FAT1: variants seen among roughly 807,000 people sequenced by gnomAD.
FAT1 encodes the protein protocadherin Fat 1.
FAT1 carries 171 observed loss-of-function variants against 329.8 expected under a neutral mutation model. The observed-to-expected ratio is 0.52, with a 90% CI of 0.46 to 0.59. The LOEUF (loss-of-function observed/expected upper bound fraction) is 0.59. FAT1 is among the 20% of genes least tolerant of loss of function. The pLI is 0.00. For synonymous variants in FAT1, 2,233 were observed against 2,228.6 expected (o/e 1.00, Z -0.06); for missense variants, 5,672 against 5,774.4 (o/e 0.98, Z 0.57).
At chr4:186,629,027 T>C (rs1740458427) in intron 7 of FAT1, among the ~76,000 whole-genome samples, 1 of 152,246 alleles carries the variant, frequency 6.6e-6, no homozygotes, top group Non-Finnish European at 1.5e-5. Flanking sequence ...ATTTTCACAC[T>C]TGCCACGTCT....
At chr4:186,629,028 TGCCAC>T (rs1298571338) in intron 7 of FAT1, among the ~76,000 whole-genome samples, 1 of 152,234 alleles carries the variant, frequency 6.6e-6, no homozygotes, top group African/African-American at 2.4e-5. Context: ...TTTTCACACT[TGCCAC>T]GTCTTTACGT....
intron 2 of FAT1, among the ~76,000 whole-genome samples, chr4:186,665,147 G>A (rs1029225733): frequency 6.6e-6 from 1 of 152,120 alleles, no homozygotes; most frequent in Admixed American, 6.5e-5. Context: ...ACAATGATTT[G>A]TTATTGCTTC....
In FAT1 at chr4:186,633,710, C is replaced by G. The variant is rs1560953466; in HGVS notation, c.4297G>C (p.Asp1433His). 12 of 1,613,970 alleles carry G rather than the reference C, an allele frequency of 7.4e-6. No individual in the cohort carries two copies. Among genetic ancestry groups the G allele is most frequent in the Non-Finnish European group, 9.3e-6 (11 of 1,179,878 alleles). ...SNYNLTVEAT[D>H]GTTTILTQVF... Reference sequence around the variant, plus strand: ...TGAGTGAGGATAGTGGTGGTTCCATCTGTAGCCTCGACTGTGAGGTTGTAG... The same window carrying G: ...TGAGTGAGGATAGTGGTGGTTCCATGTGTAGCCTCGACTGTGAGGTTGTAG... The change falls in exon 7 of 27, where the codon GAT becomes CAT. Residue 1433 changes from aspartate to histidine, a missense_variant. Coordinates refer to ENST00000441802, the MANE Select transcript of FAT1 (RefSeq NM_005245.4).
At chr4:186,650,202 T>TCCTTA (rs1741571092) in intron 3 of FAT1, among the ~76,000 whole-genome samples, 2 of 152,194 alleles carry the variant, frequency 1.3e-5, no homozygotes, top group Admixed American at 1.3e-4. Context: ...GAATGGGACT[T>TCCTTA]CCTTAACATC....
At position 186,603,726 on chromosome 4, in the gene FAT1, T is replaced by C. The variant is rs756628343; in HGVS notation, c.10800A>G (p.Ile3600Met). The C allele has an allele frequency of 1.2e-6, 2 of 1,614,020 alleles. No individual in the cohort carries two copies. Among genetic ancestry groups the C allele is most frequent in the Non-Finnish European group, 1.7e-6 (2 of 1,179,902 alleles). The change falls in exon 19 of 27, where the codon ATA (isoleucine) becomes ATG (methionine). Residue 3600 changes from isoleucine to methionine, a missense_variant. Physicochemically the swap from Ile to Met is conservative, Grantham distance 10 (BLOSUM62 1). Around this residue, in one of 2 missense-constraint regions of FAT1, gnomAD observed 1,706 missense variants for 1,859.1 expected, o/e 0.92. Coordinates refer to ENST00000441802, the MANE Select transcript of FAT1 (RefSeq NM_005245.4). ...GCCCTATGTCTAGCTTTTTGTGTGC[T>C]ATCAGCTTGCCCCCTGTGCTGGAAA... is the stretch of plus-strand genomic sequence containing the variant. ...FSVSSTGGKL[I>M]AHKKLDIGQY... is the part of the protein sequence containing the mutation.
chr4:186,616,822 T>C (rs1390948156), intron 11 of FAT1, among the ~76,000 whole-genome samples, 183 bp downstream of exon 11: 1 of 152,182 alleles, frequency 6.6e-6, no homozygotes, highest in Non-Finnish European at 1.5e-5. Flanking sequence ...TTTTGATTTA[T>C]TGAGCATTCC....
At chr4:186,725,283 CA>C (rs1745680222), upstream of FAT1, among the ~76,000 whole-genome samples, 1 of 152,114 alleles carries the variant, frequency 6.6e-6, no homozygotes, top group Non-Finnish European at 1.5e-5. The surrounding 1 kb of genome is among the most constrained non-coding windows in gnomAD (Gnocchi z 5.4). Context: ...CAGCAAAACC[CA>C]AACACACCGG....
intron 2 of FAT1, among the ~76,000 whole-genome samples, chr4:186,676,109 C>T (rs1246286673): frequency 6.6e-6 from 1 of 152,114 alleles, no homozygotes; most frequent in Non-Finnish European, 1.5e-5. Flanking sequence ...AGAAGGGAAA[C>T]AGCATTTTAA....
intron 3 of FAT1, among the ~76,000 whole-genome samples, chr4:186,641,957 A>G (rs1314313754): frequency 6.6e-6 from 1 of 151,862 alleles, no homozygotes; most frequent in Non-Finnish European, 1.5e-5. Flanking sequence ...CAGTGAGCCG[A>G]GATTGCGCCA....
intron 2 of FAT1, among the ~76,000 whole-genome samples, chr4:186,668,662 T>C (rs370289395): frequency 5.0e-4 from 76 of 152,216 alleles, no homozygotes; most frequent in African/African-American, 4.3e-4. Context: ...TTCTTGTTCC[T>C]ACACTTCATC....
intron 2 of FAT1, among the ~76,000 whole-genome samples, chr4:186,673,877 T>A (rs758461405): frequency 6.6e-6 from 1 of 152,222 alleles, no homozygotes; most frequent in Non-Finnish European, 1.5e-5. Context: ...ATCACTGATA[T>A]TGTCAATGAC....
intron 2 of FAT1, among the ~76,000 whole-genome samples, chr4:186,681,317 AT>A (rs1443194573): frequency 6.6e-6 from 1 of 152,218 alleles, no homozygotes; most frequent in African/African-American, 2.4e-5. Flanking sequence ...TACTATAAAA[AT>A]AAAGGTATTT....
At chr4:186,706,493 A>G (rs1744602688) in intron 2 of FAT1, 70 bp downstream of exon 2, 5 of 1,465,874 alleles carry the variant, frequency 3.4e-6, no homozygotes, top group Non-Finnish European at 4.6e-6. Flanking sequence ...AAGCTGCCAC[A>G]GGGCAGATGG....
intron 3 of FAT1, among the ~76,000 whole-genome samples, chr4:186,644,638 G>C (rs1172203350): frequency 2.0e-5 from 3 of 151,786 alleles, no homozygotes; most frequent in Non-Finnish European, 4.4e-5. Context: ...ATTTAGAGAT[G>C]AGTTCATTTA....
chr4:186,604,080 G>T, intron 18 of FAT1, 103 bp from the exon 19 acceptor site: 1 of 854,452 alleles, frequency 1.2e-6, no homozygotes, highest in Non-Finnish European at 1.8e-6. Flanking sequence ...ATTACTAACT[G>T]GTAGATACTC....
At chr4:186,612,721 A>T (rs533443277) in intron 13 of FAT1, among the ~76,000 whole-genome samples, 3 of 152,176 alleles carry the variant, frequency 2.0e-5, no homozygotes, top group South Asian at 2.1e-4. Flanking sequence ...AATTTTCTCT[A>T]AAAAAATTTT....
intron 1 of FAT1, among the ~76,000 whole-genome samples, chr4:186,722,612 G>C (rs562893346): frequency 6.6e-6 from 1 of 152,190 alleles, no homozygotes; most frequent in East Asian, 1.9e-4. Context: ...ACAACTGGAT[G>C]TGTTGGACAG....
chr4:186,662,983 C>T (rs995998517), intron 3 of FAT1, among the ~76,000 whole-genome samples: 2 of 151,994 alleles, frequency 1.3e-5, no homozygotes, highest in Non-Finnish European at 2.9e-5. Context: ...ACTACAGGCG[C>T]CCGCCACCAC....
chr4:186,616,892 TA>T, intron 11 of FAT1, 112 bp downstream of exon 11: 1 of 909,430 alleles, frequency 1.1e-6, no homozygotes, highest in Non-Finnish European at 1.7e-6. Context: ...GCTTAATCAG[TA>T]AGTGATCATA....
Sources: allele counts gnomAD v4.1 joint callset (sites outside exome capture counted in the v4.1 genomes callset), GRCh38; gene constraint gnomAD v4.1.1; regional missense constraint gnomAD v4.1.1; non-coding constraint Gnocchi (gnomAD v3.1); transcripts MANE v1.5; gene names NCBI Gene and HGNC (gene_info 2026-07-23, HGNC 2026-07-21).